USP6NL: variants seen among roughly 807,000 people sequenced by gnomAD.
USP6NL encodes the protein USP6 N-terminal like.
Under a neutral mutation model 61.9 loss-of-function variants are expected in USP6NL, and 26 were observed. That is an observed-to-expected ratio of 0.42 (90% CI 0.31 to 0.58). The LOEUF is 0.58. Ranked by LOEUF, USP6NL falls within the 20% of genes least tolerant of loss-of-function variation. The probability of loss-of-function intolerance (pLI) is 0.16; values close to 1 mark genes in which losing one functional copy is unlikely to be tolerated. For synonymous variants in USP6NL, 432 were observed against 390.1 expected (o/e 1.11, Z -1.27); for missense variants, 1,114 against 1,034.3 (o/e 1.08, Z -1.06).
intron 1 of USP6NL, among the ~76,000 whole-genome samples, chr10:11,610,977 C>A (rs1355229517): frequency 1.3e-5 from 2 of 152,268 alleles, no homozygotes; most frequent in Non-Finnish European, 1.5e-5. Flanking sequence ...ACTTGCAGAT[C>A]TCTCATTCGC....
In USP6NL at chr10:11,470,171, G is replaced by A. The variant is rs1404879773; in HGVS notation, c.1079-6322C>T. Among the ~76,000 whole-genome samples the A allele has an allele frequency of 5.3e-5, 8 of 152,134 alleles. No individual in the cohort carries two copies. The highest frequency in any genetic ancestry group is 6.6e-5 in the Admixed American group (1 of 15,262). On this transcript the variant is annotated intron_variant, in intron 14 of 14. Transcript: ENST00000609104. The surrounding 1 kb of genome is among the most constrained non-coding windows in gnomAD (Gnocchi z 5.4). ...AAGGAAGACGTGGCGGGGAGGTCAC[G>A]GAAGGCAAGTAATGGAGAGGACCAG... is the stretch of plus-strand genomic sequence containing the variant.
chr10:11,490,587 G>A lies in USP6NL; in HGVS notation c.543+245C>T, dbSNP rs757141783. Among the ~76,000 whole-genome samples the A allele has an allele frequency of 1.3e-5, 2 of 152,166 alleles. No homozygotes were observed. The highest frequency in any genetic ancestry group is 2.4e-5 in the African/African-American group (1 of 41,438). ...ATTACAAAGCAAAACAATATGGAGG[G>A]AGAGAGAAAAGGTGAGACTCACTGG... On this transcript the variant is annotated intron_variant, in intron 9 of 14. Transcript: ENST00000609104. The surrounding 1 kb of genome is among the most constrained non-coding windows in gnomAD (Gnocchi z 4.5).
At chr10:11,531,723 T>C (rs558949958) in intron 2 of USP6NL, among the ~76,000 whole-genome samples, 5 of 152,056 alleles carry the variant, frequency 3.3e-5, no homozygotes, top group African/African-American at 4.8e-5. Flanking sequence ...ATTATTTTTA[T>C]GATTTTTTTT....
chr10:11,547,602 C>T (rs528470090), intron 2 of USP6NL, among the ~76,000 whole-genome samples: 2 of 150,382 alleles, frequency 1.3e-5, no homozygotes, highest in Non-Finnish European at 2.9e-5. Context: ...TGCAGTGGCA[C>T]GATCTCAGCT....
chr10:11,509,775 A>C, intron 5 of USP6NL, 100 bp from the exon 6 acceptor site: 2 of 990,100 alleles, frequency 2.0e-6, no homozygotes, highest in East Asian at 5.3e-5. Context: ...GAACTAAAAA[A>C]GTTATGCTAT....
chr10:11,492,418 G>A (rs954637638), intron 8 of USP6NL, among the ~76,000 whole-genome samples: 2 of 152,150 alleles, frequency 1.3e-5, no homozygotes, highest in African/African-American at 2.4e-5. Flanking sequence ...TAGAAGACCT[G>A]GGCAGGCCTC....
chr10:11,491,325 A>G lies in USP6NL; in HGVS notation c.495-445T>C, dbSNP rs1181369634. Among the ~76,000 whole-genome samples the G allele has an allele frequency of 2.6e-5, 4 of 152,190 alleles. No individual in the cohort carries two copies. Among genetic ancestry groups the G allele is most frequent in the Non-Finnish European group, 4.4e-5 (3 of 68,026 alleles). ...TCCAATTCAAGGTGCTGTTTTTCCC[A>G]TAGCCAGGATTCAAGGATCCAAGAT... On this transcript the variant is annotated intron_variant, in intron 8 of 14. Transcript: ENST00000609104. This position sits in a 1 kb window ranked among gnomAD's most constrained non-coding sequence, Gnocchi z 4.7.
rs1838191701 is a variant in USP6NL, at chr10:11,592,656, T to G, written c.4+4975A>C. On this transcript the variant is annotated intron_variant, in intron 2 of 14. Coordinates refer to ENST00000609104, the MANE Select transcript of USP6NL (RefSeq NM_014688.5). This position sits in a 1 kb window ranked among gnomAD's most constrained non-coding sequence, Gnocchi z 4.7. ...ATTCAACTTAAATTTTCTTTTAACT[T>G]CTACCCAACTTCTGAAGCATGCAGC... is the stretch of plus-strand genomic sequence containing the variant. Among the ~76,000 whole-genome samples the G allele has an allele frequency of 6.6e-6, 1 of 152,214 alleles. No individual in the cohort carries two copies. The highest frequency in any genetic ancestry group is 2.1e-4 in the South Asian group (1 of 4,832).
chr10:11,463,974 C>T lies in USP6NL; in HGVS notation c.1079-125G>A, dbSNP rs1832321443. On this transcript the variant is annotated intron_variant, in intron 14 of 14. Coordinates refer to ENST00000609104, the MANE Select transcript of USP6NL (RefSeq NM_014688.5). The surrounding 1 kb of genome is among the most constrained non-coding windows in gnomAD (Gnocchi z 6.3). ...CAGATACACGCTGACATACAACACA[C>T]TGTCATACAACACACTGTTTATACC... The T allele has an allele frequency of 8.8e-6, 8 of 910,664 alleles. No individual in the cohort carries two copies. The South Asian group carries it at 1.3e-4, about 15-fold the overall frequency. The allele number at this position is 910,664 out of a possible 1,614,324, so 56.4% of individuals were successfully genotyped here.
intron 2 of USP6NL, among the ~76,000 whole-genome samples, chr10:11,583,461 G>C (rs533220055): frequency 6.6e-6 from 1 of 151,966 alleles, no homozygotes; most frequent in Admixed American, 6.5e-5. Context: ...AAAGTGCTGG[G>C]ATTACAGGCG....
rs750757845 is a variant in USP6NL at position 11,462,730 on chromosome 10, T to C, written c.2198A>G (p.Asn733Ser). ...IIPPVDYLPD[N>S]RTWSEVSYTY... ...ATAACTAACTTCTGACCATGTTCTGTTATCTGGCAAGTAATCCACTGGTGG... is the reference window on the plus strand; with the variant it reads ...ATAACTAACTTCTGACCATGTTCTGCTATCTGGCAAGTAATCCACTGGTGG... Residue 733 changes from asparagine to serine, a missense_variant, in exon 15 of 15, where the codon AAC becomes AGC. By Grantham distance (46) the Asn-to-Ser change is conservative. Transcript: ENST00000609104. 5.0e-6 allele frequency: 8 copies of C among 1,613,988 alleles called. No homozygotes were observed. The highest frequency in any genetic ancestry group is 6.8e-6 in the Non-Finnish European group (8 of 1,179,890).
intron 1 of USP6NL, among the ~76,000 whole-genome samples, chr10:11,609,055 T>G (rs1013659979): frequency 1.3e-4 from 15 of 113,556 alleles, no homozygotes; most frequent in Middle Eastern, 3.7e-3. Flanking sequence ...ACTATGCTTT[T>G]CTTTTCTTTT....
Position 11,463,513 on chromosome 10 carries a change from T to C in USP6NL, c.1415A>G (p.Asn472Ser), listed in dbSNP as rs2096226659. Residue 472 changes from asparagine (N) to serine (S), a missense_variant, in exon 15 of 15, where the codon AAT becomes AGT. Asn to Ser is a conservative substitution (Grantham distance 46). Transcript: ENST00000609104. The surrounding 1 kb of genome is among the most constrained non-coding windows in gnomAD (Gnocchi z 6.3). ...RQYNHAAANQNSNATSNIRKE... is the reference protein window; with the variant it reads ...RQYNHAAANQSSNATSNIRKE... ...CCTGATATTTGAAGTGGCGTTGCTA[T>C]TTTGGTTGGCAGCTGCGTGATTATA... is the stretch of plus-strand genomic sequence containing the variant. 4.3e-6 allele frequency: 7 copies of C among 1,614,038 alleles called. No individual in the cohort carries two copies. Among genetic ancestry groups the C allele is most frequent in the Admixed American group, 1.7e-5 (1 of 60,030 alleles).
chr10:11,480,565 C>T (rs1000011768), intron 14 of USP6NL, among the ~76,000 whole-genome samples: 2 of 152,270 alleles, frequency 1.3e-5, no homozygotes, highest in African/African-American at 2.4e-5. Context: ...AAGGCCCACA[C>T]CCCATTACTG....
At chr10:11,568,174 T>TGTGTGTGTGC (rs568672733) in intron 2 of USP6NL, among the ~76,000 whole-genome samples, 1 of 135,132 alleles carries the variant, frequency 7.4e-6, no homozygotes, top group Non-Finnish European at 1.6e-5. Context: ...TGTGTGTGTG[T>TGTGTGTGTGC]GCGCGCGCGC....
rs564422992 is a variant in USP6NL, at chr10:11,548,016, C to T, written c.5-20449G>A. Reference sequence around the variant, plus strand: ...TCAACCTCTCACAAATGATGATATCCCCTCGATAACATCTCTTAATAAGTG... The same window carrying T: ...TCAACCTCTCACAAATGATGATATCTCCTCGATAACATCTCTTAATAAGTG... On this transcript the variant is annotated intron_variant, in intron 2 of 14. Transcript: ENST00000609104. This position sits in a 1 kb window ranked among gnomAD's most constrained non-coding sequence, Gnocchi z 4.3. 2.2e-3 allele frequency among the ~76,000 whole-genome samples: 329 copies of T among 151,736 alleles called. 1 individual carries two copies. Among genetic ancestry groups the T allele is most frequent in the African/African-American group, 7.7e-3 (318 of 41,388 alleles).
At chr10:11,507,670 A>C (rs750941023) in intron 6 of USP6NL, among the ~76,000 whole-genome samples, 12 of 152,236 alleles carry the variant, frequency 7.9e-5, no homozygotes, top group Non-Finnish European at 1.3e-4. Flanking sequence ...ACAGTAAAGA[A>C]AGAAATCTTG....
rs1835509403 is a variant in USP6NL, at chr10:11,528,340, A to C, written c.5-773T>G. Among the ~76,000 whole-genome samples the C allele has an allele frequency of 6.6e-6, 1 of 152,182 alleles. No homozygotes were observed. On this transcript the variant is annotated intron_variant, in intron 2 of 14. Coordinates refer to ENST00000609104, the MANE Select transcript of USP6NL (RefSeq NM_014688.5). This position sits in a 1 kb window ranked among gnomAD's most constrained non-coding sequence, Gnocchi z 4.6. ...AGCATTCTAAGAGAAAACTAGGCAA[A>C]GGTTATGAGCAAGAAATTCCTAAAA... is the stretch of plus-strand genomic sequence containing the variant.
chr10:11,597,021 C>A lies in USP6NL; in HGVS notation c.4+610G>T, dbSNP rs540573406. ...TCCCAGTTAGGGTAAAATCTCAATT[C>A]TTTTCCCACCCTCTAAAAAGAAACA... is the stretch of plus-strand genomic sequence containing the variant. On this transcript the variant is annotated intron_variant, in intron 2 of 14. Transcript: ENST00000609104. The surrounding 1 kb of genome is among the most constrained non-coding windows in gnomAD (Gnocchi z 4.6). Among the ~76,000 whole-genome samples, 2 of 152,186 alleles carry A rather than the reference C, an allele frequency of 1.3e-5. No homozygotes were observed. Among genetic ancestry groups the A allele is most frequent in the African/African-American group, 4.8e-5 (2 of 41,516 alleles).
Sources: gnomAD v4.1 joint callset for allele counts (sites outside exome capture counted in the v4.1 genomes callset) on GRCh38, gnomAD v4.1.1 for gene constraint, Gnocchi (gnomAD v3.1) non-coding constraint, MANE v1.5 for transcripts, NCBI Gene and HGNC (gene_info 2026-07-23, HGNC 2026-07-21) for gene names.